HCN2: variants seen among roughly 807,000 people sequenced by gnomAD.
HCN2 encodes the protein hyperpolarization activated cyclic nucleotide gated potassium and sodium channel 2, also known as potassium/sodium hyperpolarization-activated cyclic nucleotide-gated channel 2.
In HCN2, 20 loss-of-function variants were observed where a neutral mutation model predicts 52.3. The observed-to-expected ratio is 0.38, with a 90% CI of 0.27 to 0.56. The LOEUF (loss-of-function observed/expected upper bound fraction) is 0.56, where lower values mean the gene tolerates loss of function less well. Ranked by LOEUF, HCN2 falls within the 20% of genes least tolerant of loss-of-function variation. The pLI is 0.71. For missense variants in HCN2, 981 were observed against 1,207.7 expected (o/e 0.81, Z 2.78); for synonymous variants, 694 against 537.0 (o/e 1.29, Z -4.04).
chr19:610,053 C>A (rs1026706185), intron 4 of HCN2, among the ~76,000 whole-genome samples: 4 of 151,890 alleles, frequency 2.6e-5, no homozygotes, highest in Non-Finnish European at 4.4e-5. Context: ...CCAGCCCTGA[C>A]CCCCCACAGT....
chr19:612,427 T>TGTGTGTGTGTGTGTGA lies in HCN2; in HGVS notation c.1585-820_1585-819insTGTGTGTGTGTGTGAG. Among the ~76,000 whole-genome samples the TGTGTGTGTGTGTGTGA allele has an allele frequency of 5.6e-3, 797 of 142,292 alleles. 5 individuals are homozygous for TGTGTGTGTGTGTGTGA. Among genetic ancestry groups the TGTGTGTGTGTGTGTGA allele is most frequent in the Non-Finnish European group, 8.3e-3 (540 of 65,244 alleles). 93.3% of individuals were successfully genotyped at this position (142,292 alleles called of 152,430 possible). On this transcript the variant is annotated intron_variant, in intron 5 of 7. Coordinates refer to ENST00000251287, the MANE Select transcript of HCN2 (RefSeq NM_001194.4). ...GTGTGTGTGTGTGTGTGTGTGTGTG[T>TGTGTGTGTGTGTGTGA]GAGAGAGAGATGGAGTCTCGCTCTG...
Position 608,140 on chromosome 19 carries a change from C to G in HCN2, c.1395C>G (p.Leu465=), listed in dbSNP as rs904630376. The G allele has an allele frequency of 4.3e-6, 7 of 1,613,258 alleles. No homozygotes were observed. The highest frequency in any genetic ancestry group is 5.9e-6 in the Non-Finnish European group (7 of 1,180,008). Reference sequence around the variant, plus strand: ...TGTTCATCGGCCACGCCACTGCCCTCATCCAGTCGCTGGACTCCTCGCGGC... The same window carrying G: ...TGTTCATCGGCCACGCCACTGCCCTGATCCAGTCGCTGGACTCCTCGCGGC... ...YAMFIGHATA[L]IQSLDSSRRQ... is the part of the protein sequence containing the mutation. Residue 465 remains leucine, a synonymous_variant, in exon 4 of 8, where the codon CTC becomes CTG. Coordinates refer to ENST00000251287, the MANE Select transcript of HCN2 (RefSeq NM_001194.4).
chr19:591,358 G>T lies in HCN2; in HGVS notation c.632+781G>T, dbSNP rs1273651142. The T allele has an allele frequency of 6.6e-6, 1 of 152,414 alleles. No individual in the cohort carries two copies. Among genetic ancestry groups the T allele is most frequent in the African/African-American group, 2.4e-5 (1 of 41,466 alleles). The allele number at this position is 152,414 out of a possible 1,614,324, so 9.4% of individuals were successfully genotyped here. ...GGGGCGCGAGCCTGTGGCCGGAGAGGTGTGTCTCCAGGAGTGTGTTTGCGT... is the reference window on the plus strand; with the variant it reads ...GGGGCGCGAGCCTGTGGCCGGAGAGTTGTGTCTCCAGGAGTGTGTTTGCGT... On this transcript the variant is annotated intron_variant, in intron 1 of 7. Transcript: ENST00000251287. The surrounding 1 kb of genome is among the most constrained non-coding windows in gnomAD (Gnocchi z 4.1).
chr19:613,767 G>A, intron 6 of HCN2, 85 bp from the exon 7 acceptor site: 1 of 1,359,172 alleles, frequency 7.4e-7, no homozygotes, highest in Non-Finnish European at 9.5e-7. Flanking sequence ...GCTGGCCAAG[G>A]TGCAGAGGCC....
chr19:613,517 G>T (rs142450059), intron 6 of HCN2, 29 bp downstream of exon 6: 1 of 1,086,270 alleles, frequency 9.2e-7, no homozygotes, highest in Admixed American at 2.1e-5. Context: ...CGCCTGGAGG[G>T]GGAGGGGGCA....
At chr19:613,060 C>G (rs1600537458) in intron 5 of HCN2, among the ~76,000 whole-genome samples, 188 bp from the exon 6 acceptor site, 1 of 152,326 alleles carries the variant, frequency 6.6e-6, no homozygotes, top group East Asian at 1.9e-4. Context: ...TGTCAAACGG[C>G]GAAGGGGCAC....
intron 1 of HCN2, among the ~76,000 whole-genome samples, chr19:596,899 G>C (rs1319551878): frequency 8.2e-6 from 1 of 121,402 alleles, no homozygotes; most frequent in South Asian, 2.5e-4. Flanking sequence ...CAAGGAGAGG[G>C]TTGGGGTGGA....
Position 590,641 on chromosome 19 carries a change from G to A in HCN2, c.632+64G>A, listed in dbSNP as rs1982842002. 13 of 1,213,328 alleles carry A rather than the reference G, an allele frequency of 1.1e-5. No homozygotes were observed. The highest frequency in any genetic ancestry group is 1.4e-5 in the Non-Finnish European group (13 of 958,162). The allele number at this position is 1,213,328 out of a possible 1,614,324, so 75.2% of individuals were successfully genotyped here. ...CGGGGAGCCGGGCGCGCGGGGAGCC[G>A]TCCTTGGAGCGCCTGGGGAGGGCGG... On this transcript the variant is annotated intron_variant, in intron 1 of 7. Coordinates refer to ENST00000251287, the MANE Select transcript of HCN2 (RefSeq NM_001194.4). This position sits in a 1 kb window ranked among gnomAD's most constrained non-coding sequence, Gnocchi z 7.2.
Position 617,113 on chromosome 19 carries a change from A to AAAC in HCN2, c.*639_*640insAAC. 2 of 595,252 alleles carry AAAC rather than the reference A, an allele frequency of 3.4e-6. No homozygotes were observed. The highest frequency in any genetic ancestry group is 3.3e-5 in the East Asian group (1 of 30,214). The allele number at this position is 595,252 out of a possible 1,614,324, so 36.9% of individuals were successfully genotyped here. A position where few individuals can be genotyped will look rare whatever the true frequency, so the allele number is the denominator to read the frequency against. On this transcript the variant is annotated 3_prime_UTR_variant, in exon 8 of 8. Transcript: ENST00000251287. ...CACCGTGGCCCCCCACGCCCCATTA[A>AAAC]CCCCCACACCCCCATTCCGCGCAAT... is the stretch of plus-strand genomic sequence containing the variant.
At chr19:612,857 C>T (rs112364585) in intron 5 of HCN2, among the ~76,000 whole-genome samples, 4 of 62,016 alleles carry the variant, frequency 6.4e-5, no homozygotes, top group Admixed American at 1.4e-4. Context: ...TTTTTTTTTT[C>T]CGGTAGAGAC....
At position 590,042 on chromosome 19, in the gene HCN2, C is replaced by G; in HGVS notation, c.97C>G (p.Gln33Glu). The G allele has an allele frequency of 1.6e-6, 1 of 620,826 alleles. No homozygotes were observed. Among genetic ancestry groups the G allele is most frequent in the Non-Finnish European group, 2.0e-6 (1 of 507,106 alleles). 38.5% of individuals were successfully genotyped at this position (620,826 alleles called of 1,614,324 possible). A position where few individuals can be genotyped will look rare whatever the true frequency, so the allele number is the denominator to read the frequency against. Residue 33 changes from glutamine (Q) to glutamate (E), a missense_variant, in exon 1 of 8, where the codon CAG becomes GAG. Gln to Glu is a conservative substitution (Grantham distance 29). This residue lies in a region of HCN2 where 215 missense variants were observed against 179.4 expected (regional missense o/e 1.20). Transcript: ENST00000251287. This position sits in a 1 kb window ranked among gnomAD's most constrained non-coding sequence, Gnocchi z 7.2. ...GCCGCCGCCGCCCGCGCCCCCCCAA[C>G]AGCAGCCGCCGCCGCCGCCGCCGCC... ...PPPPPPAPPQ[Q>E]QPPPPPPPAP...
Position 617,026 on chromosome 19 carries a change from G to T in HCN2, c.*552G>T, listed in dbSNP as rs957543884. The T allele has an allele frequency of 4.7e-5, 25 of 526,808 alleles. No homozygotes were observed. Among genetic ancestry groups the T allele is most frequent in the Non-Finnish European group, 6.9e-5 (20 of 288,738 alleles). 32.6% of individuals were successfully genotyped at this position (526,808 alleles called of 1,614,324 possible). A position where few individuals can be genotyped will look rare whatever the true frequency, so the allele number is the denominator to read the frequency against. ...GCAGGCCTGGCTGCGCAGGGCGCGG[G>T]GGGGAGGCTGGGGTCCCGCCGCCGT... On this transcript the variant is annotated 3_prime_UTR_variant, in exon 8 of 8. Coordinates refer to ENST00000251287, the MANE Select transcript of HCN2 (RefSeq NM_001194.4).
Position 617,022 on chromosome 19 carries a change from G to GC in HCN2, c.*549dup, listed in dbSNP as rs1983991735. ...AGAGGCAGGCCTGGCTGCGCAGGGC[G>GC]CGGGGGGGAGGCTGGGGTCCCGCCG... On this transcript the variant is annotated 3_prime_UTR_variant, in exon 8 of 8. Transcript: ENST00000251287. The GC allele has an allele frequency of 1.9e-6, 1 of 516,104 alleles. No individual in the cohort carries two copies. The highest frequency in any genetic ancestry group is 3.6e-6 in the Non-Finnish European group (1 of 281,496). 32.0% of individuals were successfully genotyped at this position (516,104 alleles called of 1,614,324 possible).
rs1982895305 is a variant in HCN2 at position 592,232 on chromosome 19, CCCCT to C, written c.632+1658_632+1661del. Among the ~76,000 whole-genome samples, 1 of 152,248 alleles carries C rather than the reference CCCCT, an allele frequency of 6.6e-6. No individual in the cohort carries two copies. Among genetic ancestry groups the C allele is most frequent in the African/African-American group, 2.4e-5 (1 of 41,468 alleles). ...GTAGAACGTGCCCACTCCCCTCCGT[CCCCT>C]CCAGCATGACCTTCGACAGAGATGG... On this transcript the variant is annotated intron_variant, in intron 1 of 7. Transcript: ENST00000251287. This position sits in a 1 kb window ranked among gnomAD's most constrained non-coding sequence, Gnocchi z 4.8.
rs1000537083 is a variant in HCN2 at position 610,904 on chromosome 19, G to A, written c.1584+499G>A. Among the ~76,000 whole-genome samples the A allele has an allele frequency of 9.7e-4, 147 of 151,924 alleles. 2 individuals are homozygous for A. Among genetic ancestry groups the A allele is most frequent in the Non-Finnish European group, 2.8e-4 (19 of 68,014 alleles). On this transcript the variant is annotated intron_variant, in intron 5 of 7. Transcript: ENST00000251287. The stretch of plus-strand genomic sequence containing the variant: ...GAAGCCCAACATCAAGGCGTGGGCC[G>A]GGCCGTGCTACCCCCCCGGAGCCCC...
rs1436881025 is a variant in HCN2 at position 616,142 on chromosome 19, C to T, written c.2338C>T (p.Pro780Ser). 4.2e-6 allele frequency: 4 copies of T among 953,218 alleles called. No homozygotes were observed. Among genetic ancestry groups the T allele is most frequent in the South Asian group, 4.7e-5 (1 of 21,402 alleles). The allele number at this position is 953,218 out of a possible 1,614,324, so 59.0% of individuals were successfully genotyped here. Residue 780 changes from proline to serine, a missense_variant, in exon 8 of 8, where the codon CCC (proline) becomes TCC (serine). This residue lies in a region of HCN2 where 368 missense variants were observed against 314.8 expected (regional missense o/e 1.17). Coordinates refer to ENST00000251287, the MANE Select transcript of HCN2 (RefSeq NM_001194.4). ...ASPGPPPPAS[P>S]PGAPASPRAP... ...ACCCGGGCCCCCGCCCCCCGCCAGC[C>T]CCCCGGGCGCGCCCGCCAGCCCCCG...
chr19:591,466 G>T lies in HCN2; in HGVS notation c.632+889G>T, dbSNP rs1274382554. On this transcript the variant is annotated intron_variant, in intron 1 of 7. Transcript: ENST00000251287. The surrounding 1 kb of genome is among the most constrained non-coding windows in gnomAD (Gnocchi z 4.1). ...TGTGTGTTGGGACCAGGTGGCGGGC[G>T]TGCGCGTGTACGCCCGGGGCCGGTG... Among the ~76,000 whole-genome samples the T allele has an allele frequency of 1.3e-5, 2 of 152,142 alleles. No individual in the cohort carries two copies. The highest frequency in any genetic ancestry group is 2.9e-5 in the Non-Finnish European group (2 of 68,006).
rs1290982211 is a variant in HCN2 at position 613,949 on chromosome 19, GC to G, written c.1924del (p.Leu642TrpfsTer6). 6.2e-7 allele frequency: 1 copy of G among 1,603,564 alleles called. No individual in the cohort carries two copies. The highest frequency in any genetic ancestry group is 8.5e-7 in the Non-Finnish European group (1 of 1,175,132). ...TGAGCGTGGACAACTTCAACGAGGT[GC>G]TGGAGGAGTACCCCATGATGCGGCG... ...SLSVDNFNEV[L>X]EEYPMMRRAF... On this transcript the variant is annotated frameshift_variant, in exon 7 of 8. Transcript: ENST00000251287. LOFTEE classifies it high-confidence loss of function.
intron 3 of HCN2, among the ~76,000 whole-genome samples, chr19:605,955 A>T (rs1983414111): frequency 6.6e-6 from 1 of 152,194 alleles, no homozygotes; most frequent in Non-Finnish European, 1.5e-5. Context: ...GGTCTGAAAC[A>T]GCCACTTGGA....
Sources: allele counts gnomAD v4.1 joint callset (sites outside exome capture counted in the v4.1 genomes callset), GRCh38; gene constraint gnomAD v4.1.1; regional missense constraint gnomAD v4.1.1; non-coding constraint Gnocchi (gnomAD v3.1); transcripts MANE v1.5; gene names NCBI Gene and HGNC (gene_info 2026-07-23, HGNC 2026-07-21).